LGR6: variants seen among roughly 807,000 people sequenced by gnomAD.
LGR6 encodes leucine rich repeat containing G protein-coupled receptor 6.
Under a neutral mutation model 69.4 loss-of-function variants are expected in LGR6, and 45 were observed. The ratio of observed to expected loss-of-function variants is 0.65; its 90% CI spans 0.51 to 0.83. LGR6 has a LOEUF of 0.83. LGR6 is among the 40% of genes least tolerant of loss of function. The pLI is 0.00. For missense variants in LGR6, 1,108 were observed against 1,246.7 expected (o/e 0.89, Z 1.68); for synonymous variants, 538 against 555.0 (o/e 0.97, Z 0.43).
In LGR6 at chr1:202,318,667, C is replaced by G. The variant is rs370607325; in HGVS notation, c.2364C>G (p.Pro788=). The G allele has an allele frequency of 6.2e-7, 1 of 1,613,772 alleles. No homozygotes were observed. The highest frequency in any genetic ancestry group is 1.3e-5 in the African/African-American group (1 of 75,046). ...LIFADGLLYC[P]VAFLSFASML... ...TCGCAGACGGGCTCCTCTACTGTCC[C>G]GTGGCCTTCCTCAGCTTTGCCTCCA... The change falls in exon 18 of 18, where the codon CCC becomes CCG. Residue 788 remains proline (P), a synonymous_variant. Transcript: ENST00000367278.
Position 202,268,318 on chromosome 1 carries a change from G to T in LGR6, c.429-7988G>T, listed in dbSNP as rs1302435123. Reference sequence around the variant, plus strand: ...CCCAAGGGCATCTCCTCACTGCTCGGCAGGTGCCAGCCTGCTCCCTGCTGG... The same window carrying T: ...CCCAAGGGCATCTCCTCACTGCTCGTCAGGTGCCAGCCTGCTCCCTGCTGG... On this transcript the variant is annotated intron_variant, in intron 4 of 17. Transcript: ENST00000367278. The surrounding 1 kb of genome is among the most constrained non-coding windows in gnomAD (Gnocchi z 4.4). Among the ~76,000 whole-genome samples the T allele has an allele frequency of 6.6e-6, 1 of 152,214 alleles. No homozygotes were observed. The highest frequency in any genetic ancestry group is 1.5e-5 in the Non-Finnish European group (1 of 68,032).
chr1:202,282,466 T>C (rs1220599892), intron 6 of LGR6, among the ~76,000 whole-genome samples: 2 of 152,148 alleles, frequency 1.3e-5, no homozygotes, highest in Non-Finnish European at 2.9e-5. Flanking sequence ...ATGTGCCAGC[T>C]GTTTGGGGGA....
chr1:202,227,426 C>T (rs1660642032), intron 2 of LGR6, among the ~76,000 whole-genome samples: 1 of 152,208 alleles, frequency 6.6e-6, no homozygotes, highest in Non-Finnish European at 1.5e-5. Context: ...AGATGAATTA[C>T]ACCACCCCAT....
intron 1 of LGR6, among the ~76,000 whole-genome samples, chr1:202,205,984 A>ACACACACACC (rs762108190): frequency 6.7e-6 from 1 of 149,932 alleles, no homozygotes; most frequent in Non-Finnish European, 1.5e-5. Context: ...ACACACACAC[A>ACACACACACC]CACACCCCTA....
chr1:202,206,311 C>A (rs539388705), intron 1 of LGR6, among the ~76,000 whole-genome samples: 3 of 152,356 alleles, frequency 2.0e-5, no homozygotes, highest in African/African-American at 7.2e-5. Flanking sequence ...TGGGCTCCCA[C>A]CCTCACTTAC....
intron 4 of LGR6, among the ~76,000 whole-genome samples, chr1:202,256,891 T>G (rs538929195): frequency 6.6e-6 from 1 of 152,362 alleles, no homozygotes; most frequent in African/African-American, 2.4e-5. Context: ...TATGTCTTTT[T>G]GATTATAGCC....
chr1:202,280,716 C>A, intron 5 of LGR6, 65 bp from the exon 6 acceptor site: 1 of 1,401,568 alleles, frequency 7.1e-7, no homozygotes, highest in Non-Finnish European at 1.0e-6. Flanking sequence ...CCACCATGTG[C>A]TCTTCCATCC....
chr1:202,276,129 G>A, intron 4 of LGR6, 177 bp from the exon 5 acceptor site: 2 of 586,850 alleles, frequency 3.4e-6, no homozygotes, highest in Non-Finnish European at 6.1e-6. Flanking sequence ...GGGTTGGAAT[G>A]GAGCCAAATA....
At chr1:202,199,600 A>G (rs1447825001) in intron 1 of LGR6, among the ~76,000 whole-genome samples, 1 of 70,810 alleles carries the variant, frequency 1.4e-5, no homozygotes, top group Non-Finnish European at 2.6e-5. Context: ...CCCCCATTCC[A>G]TGGGCTCTCA....
chr1:202,292,154 G>A (rs886179736), intron 6 of LGR6, among the ~76,000 whole-genome samples: 3 of 152,304 alleles, frequency 2.0e-5, no homozygotes, highest in Admixed American at 6.5e-5. Flanking sequence ...TAAGGGCATC[G>A]GAGCCCATTA....
rs555989788 is a variant in LGR6, at chr1:202,238,719, A to G, written c.428+2726A>G. Among the ~76,000 whole-genome samples the G allele has an allele frequency of 5.3e-3, 756 of 142,660 alleles. 7 individuals are homozygous for G. The highest frequency in any genetic ancestry group is 0.018 in the African/African-American group (720 of 39,298). The allele number at this position is 142,660 out of a possible 152,430, so 93.6% of individuals were successfully genotyped here. ...ATTACAGGCGTGAGCCATGGGGCCC[A>G]GCTCTATTTTTTTTTTTTTTAAACA... On this transcript the variant is annotated intron_variant, in intron 4 of 17. Coordinates refer to ENST00000367278, the MANE Select transcript of LGR6 (RefSeq NM_001017403.2).
At chr1:202,284,074 G>T (rs981143566) in intron 6 of LGR6, among the ~76,000 whole-genome samples, 1 of 152,156 alleles carries the variant, frequency 6.6e-6, no homozygotes, top group East Asian at 1.9e-4. Flanking sequence ...GGGTTCAGGG[G>T]ATGGGCACTG....
At chr1:202,225,332 G>C (rs756683606) in intron 1 of LGR6, 91 bp from the exon 2 acceptor site, 1 of 1,154,572 alleles carries the variant, frequency 8.7e-7, no homozygotes, top group Non-Finnish European at 1.3e-6. Context: ...TGGGAGCCTC[G>C]GAGGTCCCTC....
intron 1 of LGR6, among the ~76,000 whole-genome samples, chr1:202,205,456 A>ACC (rs1659159887): frequency 3.3e-4 from 2 of 6,012 alleles, no homozygotes; most frequent in Admixed American, 1.9e-3. Context: ...ACACACACAC[A>ACC]CCTCCAAACA....
intron 6 of LGR6, among the ~76,000 whole-genome samples, chr1:202,290,384 A>G (rs1666710115): frequency 6.6e-6 from 1 of 152,168 alleles, no homozygotes; most frequent in Non-Finnish European, 1.5e-5. Context: ...CAGAAGCCCA[A>G]TCCTCCACGT....
intron 17 of LGR6, 112 bp downstream of exon 17, chr1:202,314,994 ACTCCCAGCCTG>A: frequency 1.4e-6 from 1 of 735,650 alleles, no homozygotes; most frequent in Non-Finnish European, 2.4e-6. Context: ...TCTTTGCCTG[ACTCCCAGCCTG>A]CTGCAAGAGG....
At chr1:202,215,418 A>G (rs188758712) in intron 1 of LGR6, among the ~76,000 whole-genome samples, 33 of 152,268 alleles carry the variant, frequency 2.2e-4, no homozygotes, top group Non-Finnish European at 3.5e-4. Context: ...CTAATAGGAT[A>G]TCTCAGTCCT....
rs188118749 is a variant in LGR6 at position 202,202,065 on chromosome 1, G to A, written c.212+7864G>A. On this transcript the variant is annotated intron_variant, in intron 1 of 17. Coordinates refer to ENST00000367278, the MANE Select transcript of LGR6 (RefSeq NM_001017403.2). ...AGGCATTCAAGGGAGAAAGAGGACC[G>A]AGGTGGCCAGGGAAGGCCCAGGGGA... Among the ~76,000 whole-genome samples, 141 of 152,242 alleles carry A rather than the reference G, an allele frequency of 9.3e-4. 3 individuals carry two copies. The highest frequency in any genetic ancestry group is 8.9e-3 in the Admixed American group (136 of 15,298).
At chr1:202,203,593 T>C in intron 1 of LGR6, 1 of 556,892 alleles carries the variant, frequency 1.8e-6, no homozygotes. Context: ...CAAATGTGGA[T>C]TGAATGCTTG....
Sources: gnomAD v4.1 joint callset for allele counts (sites outside exome capture counted in the v4.1 genomes callset) on GRCh38, gnomAD v4.1.1 for gene constraint, Gnocchi (gnomAD v3.1) non-coding constraint, MANE v1.5 for transcripts, NCBI Gene and HGNC (gene_info 2026-07-23, HGNC 2026-07-21) for gene names.